AK5: variants seen among roughly 807,000 people sequenced by gnomAD.
The protein encoded by AK5 is adenylate kinase 5.
A neutral mutation model predicts 69.5 loss-of-function variants in AK5; 27 were observed. That is an observed-to-expected ratio of 0.39 (90% CI 0.29 to 0.54). The LOEUF is 0.54. AK5 is among the 20% of genes least tolerant of loss of function. The pLI, the probability that AK5 is intolerant of heterozygous loss-of-function variation, is 0.71. For synonymous variants in AK5, 260 were observed against 244.4 expected (o/e 1.06, Z -0.60); for missense variants, 531 against 700.4 (o/e 0.76, Z 2.73).
chr1:77,535,944 A>G lies in AK5; in HGVS notation c.1526A>G (p.Asp509Gly). ...AGCCGGAGCAGCCTGCCTGTGGACG[A>G]CACCACCAAGACCATCGCCAAGCGC... ...QRSRSSLPVD[D>G]TTKTIAKRLE... The change falls in exon 13 of 14, where the codon GAC becomes GGC. Residue 509 changes from aspartate to glycine, a missense_variant. Asp to Gly is a moderately conservative substitution (Grantham distance 94, BLOSUM62 -1). Coordinates refer to ENST00000354567, the MANE Select transcript of AK5 (RefSeq NM_174858.3). 6.2e-7 allele frequency: 1 copy of G among 1,613,918 alleles called. No homozygotes were observed. Among genetic ancestry groups the G allele is most frequent in the Non-Finnish European group, 8.5e-7 (1 of 1,179,964 alleles).
intron 6 of AK5, among the ~76,000 whole-genome samples, chr1:77,376,019 A>T (rs1647223181): frequency 6.6e-6 from 1 of 152,188 alleles, no homozygotes; most frequent in Admixed American, 6.5e-5. Flanking sequence ...GTTATTAGAG[A>T]TTGGTGTAGT....
chr1:77,377,396 A>G (rs1004646720), intron 6 of AK5, among the ~76,000 whole-genome samples: 1 of 152,144 alleles, frequency 6.6e-6, no homozygotes, highest in African/African-American at 2.4e-5. Context: ...TCTCTCACTT[A>G]GGCCCAAGTT....
chr1:77,301,268 A>T (rs1659328706), intron 5 of AK5, among the ~76,000 whole-genome samples: 1 of 152,208 alleles, frequency 6.6e-6, no homozygotes, highest in South Asian at 2.1e-4. Flanking sequence ...CGCGTGGTTG[A>T]AAAAGTGTTG....
intron 13 of AK5, among the ~76,000 whole-genome samples, chr1:77,540,203 T>C (rs1659192101): frequency 6.6e-6 from 1 of 152,272 alleles, no homozygotes; most frequent in Non-Finnish European, 1.5e-5. Flanking sequence ...CCTTATTCTT[T>C]ATGTCATCAT....
chr1:77,389,693 G>A (rs1039184453), intron 6 of AK5, among the ~76,000 whole-genome samples: 10 of 152,156 alleles, frequency 6.6e-5, no homozygotes, highest in Non-Finnish European at 1.5e-4. Context: ...TGGGCACGAT[G>A]GCTCATGCCT....
chr1:77,544,149 A>G (rs1300639639), intron 13 of AK5, among the ~76,000 whole-genome samples: 1 of 152,224 alleles, frequency 6.6e-6, no homozygotes, highest in African/African-American at 2.4e-5. Context: ...ATATCAAAAT[A>G]TGGCAAAGAT....
intron 6 of AK5, among the ~76,000 whole-genome samples, chr1:77,377,290 C>G (rs1295599555): frequency 6.6e-6 from 1 of 152,190 alleles, no homozygotes; most frequent in Non-Finnish European, 1.5e-5. Context: ...TTCCCATCCC[C>G]AAACATGCTT....
At chr1:77,378,450 T>G (rs1438587249) in intron 6 of AK5, among the ~76,000 whole-genome samples, 1 of 152,198 alleles carries the variant, frequency 6.6e-6, no homozygotes, top group Non-Finnish European at 1.5e-5. Context: ...GCCTCCCAAG[T>G]AGCTGGGATT....
At chr1:77,324,462 T>C (rs1660693516) in intron 5 of AK5, among the ~76,000 whole-genome samples, 1 of 152,134 alleles carries the variant, frequency 6.6e-6, no homozygotes, top group Admixed American at 6.6e-5. Flanking sequence ...TCATCTTGTG[T>C]ACCACATTCA....
chr1:77,476,841 T>G (rs974335029), intron 8 of AK5, among the ~76,000 whole-genome samples: 1 of 151,924 alleles, frequency 6.6e-6, no homozygotes, highest in Non-Finnish European at 1.5e-5. Flanking sequence ...TAAGTACTAC[T>G]GAAATAATAG....
chr1:77,434,921 A>T (rs1365096660), intron 8 of AK5, among the ~76,000 whole-genome samples: 1 of 152,196 alleles, frequency 6.6e-6, no homozygotes, highest in Middle Eastern at 3.2e-3. Flanking sequence ...ATGGCTCTTT[A>T]AAAAAGTGAA....
At chr1:77,305,997 TG>T (rs1659615512) in intron 5 of AK5, among the ~76,000 whole-genome samples, 15 of 152,178 alleles carry the variant, frequency 9.9e-5, no homozygotes, top group Admixed American at 9.2e-4. Flanking sequence ...TTTCATTTTT[TG>T]GTGTCTTCAG....
Position 77,368,321 on chromosome 1 carries a change from A to T in AK5, c.891+27753A>T, listed in dbSNP as rs1178153550. Among the ~76,000 whole-genome samples, 64 of 123,094 alleles carry T rather than the reference A, an allele frequency of 5.2e-4. 1 individual carries two copies. Among genetic ancestry groups the T allele is most frequent in the African/African-American group, 2.0e-3 (59 of 30,058 alleles). 80.8% of individuals were successfully genotyped at this position (123,094 alleles called of 152,430 possible). The stretch of plus-strand genomic sequence containing the variant: ...ATATATAATATATATGTTATATATA[A>T]TATATATGTTATATATGTTATATAT... On this transcript the variant is annotated intron_variant, in intron 6 of 13. Transcript: ENST00000354567.
intron 13 of AK5, among the ~76,000 whole-genome samples, chr1:77,544,989 C>T (rs1659469289): frequency 6.6e-6 from 1 of 152,192 alleles, no homozygotes; most frequent in Non-Finnish European, 1.5e-5. Context: ...TGCGCTGTGA[C>T]ATTGTGATGG....
intron 10 of AK5, among the ~76,000 whole-genome samples, chr1:77,511,524 G>C (rs554866277): frequency 3.3e-5 from 5 of 152,220 alleles, no homozygotes; most frequent in Non-Finnish European, 7.3e-5. Flanking sequence ...TGAGAGGAAT[G>C]AGGATGTGTT....
At chr1:77,484,958 A>G (rs546390470) in intron 9 of AK5, among the ~76,000 whole-genome samples, 18 of 152,340 alleles carry the variant, frequency 1.2e-4, no homozygotes, top group Middle Eastern at 6.8e-3. Context: ...TAAAACTGAA[A>G]TAGGATACAA....
chr1:77,298,740 G>A (rs572462221), intron 5 of AK5, among the ~76,000 whole-genome samples: 1 of 152,110 alleles, frequency 6.6e-6, no homozygotes, highest in South Asian at 2.1e-4. Context: ...AGACTGAGAG[G>A]CAGGAGAATC....
chr1:77,404,200 G>A (rs1231154012), intron 6 of AK5, among the ~76,000 whole-genome samples: 2 of 152,138 alleles, frequency 1.3e-5, no homozygotes, highest in African/African-American at 4.8e-5. Flanking sequence ...CCTAATGTAT[G>A]TAAGGGCTTC....
intron 13 of AK5, among the ~76,000 whole-genome samples, chr1:77,544,740 T>C (rs1172595632): frequency 6.6e-6 from 1 of 152,164 alleles, no homozygotes; most frequent in African/African-American, 2.4e-5. Flanking sequence ...GGAACATTCC[T>C]GAAGGACCTG....
Sources: gnomAD v4.1 joint callset for allele counts (sites outside exome capture counted in the v4.1 genomes callset) on GRCh38, gnomAD v4.1.1 for gene constraint, MANE v1.5 for transcripts, NCBI Gene and HGNC (gene_info 2026-07-23, HGNC 2026-07-21) for gene names.